THSD7B: variants seen among roughly 807,000 people sequenced by gnomAD.
THSD7B encodes thrombospondin type 1 domain containing 7B.
A neutral mutation model predicts 213.6 loss-of-function variants in THSD7B; 138 were observed. That is an observed-to-expected ratio of 0.65 (90% CI 0.56 to 0.74). The LOEUF (loss-of-function observed/expected upper bound fraction) is 0.74, where lower values mean the gene tolerates loss of function less well. Among genes scored for constraint, THSD7B ranks in the 30% least tolerant of loss-of-function variants. THSD7B has a pLI of 0.00. For synonymous variants in THSD7B, 742 were observed against 687.0 expected (o/e 1.08, Z -1.25); for missense variants, 1,931 against 1,991.5 (o/e 0.97, Z 0.58).
At chr2:137,134,574 G>T (rs931770012) in intron 5 of THSD7B, among the ~76,000 whole-genome samples, 7 of 152,244 alleles carry the variant, frequency 4.6e-5, no homozygotes, top group Admixed American at 1.3e-4. Context: ...CCCACTCCCA[G>T]GGTCTGGCCT....
At chr2:137,217,954 C>A (rs1167396731) in intron 7 of THSD7B, among the ~76,000 whole-genome samples, 1 of 152,094 alleles carries the variant, frequency 6.6e-6, no homozygotes, top group Non-Finnish European at 1.5e-5. Context: ...TACAAATAAC[C>A]TAATAAGTGC....
chr2:137,405,208 A>G (rs1351033775), intron 12 of THSD7B, among the ~76,000 whole-genome samples: 1 of 151,704 alleles, frequency 6.6e-6, no homozygotes, highest in Admixed American at 6.6e-5. Context: ...CAAAAAAAAA[A>G]AAAAAATGAC....
chr2:137,264,221 G>A (rs984581920), intron 10 of THSD7B, among the ~76,000 whole-genome samples: 3 of 150,616 alleles, frequency 2.0e-5, no homozygotes, highest in Admixed American at 6.6e-5. Flanking sequence ...CATCTTTGCT[G>A]TCTATAGTAT....
chr2:136,899,269 G>T (rs973386979), intron 2 of THSD7B, among the ~76,000 whole-genome samples: 2 of 152,028 alleles, frequency 1.3e-5, no homozygotes, highest in African/African-American at 4.8e-5. Context: ...AACCCCTGGG[G>T]GTTAAATATC....
At chr2:137,239,918 C>G (rs2105062927) in intron 9 of THSD7B, among the ~76,000 whole-genome samples, 1 of 152,270 alleles carries the variant, frequency 6.6e-6, no homozygotes, top group South Asian at 2.1e-4. Flanking sequence ...CAGATGGCCA[C>G]CTTCTTGTAT....
intron 2 of THSD7B, among the ~76,000 whole-genome samples, chr2:137,027,503 A>G (rs1039303104): frequency 3.3e-4 from 51 of 152,246 alleles, no homozygotes; most frequent in African/African-American, 1.2e-3. Flanking sequence ...AAGTTGTCAC[A>G]TAGCCATATC....
chr2:137,409,715 G>C (rs1341499638), intron 13 of THSD7B, among the ~76,000 whole-genome samples: 2 of 152,174 alleles, frequency 1.3e-5, no homozygotes, highest in African/African-American at 2.4e-5. Flanking sequence ...AGTTCACCAA[G>C]TAAAAATAAA....
intron 12 of THSD7B, among the ~76,000 whole-genome samples, chr2:137,303,235 T>C (rs1683648587): frequency 6.6e-6 from 1 of 152,156 alleles, no homozygotes; most frequent in Non-Finnish European, 1.5e-5. Flanking sequence ...GTTGCCAGGC[T>C]GATGTCAAAT....
chr2:137,095,490 T>C (rs1218220552), intron 4 of THSD7B, among the ~76,000 whole-genome samples: 2 of 152,212 alleles, frequency 1.3e-5, no homozygotes, highest in Non-Finnish European at 2.9e-5. Flanking sequence ...AGGCCATTCA[T>C]GGCATCTCCA....
chr2:137,079,404 G>T (rs1687697079), intron 3 of THSD7B, among the ~76,000 whole-genome samples: 1 of 151,998 alleles, frequency 6.6e-6, no homozygotes, highest in African/African-American at 2.4e-5. Flanking sequence ...GCTGTTATAT[G>T]GTGCATAGAT....
At chr2:137,062,107 T>C (rs1687287267) in intron 3 of THSD7B, among the ~76,000 whole-genome samples, 1 of 151,792 alleles carries the variant, frequency 6.6e-6, no homozygotes, top group South Asian at 2.1e-4. Context: ...TCATTTCATC[T>C]AGATTATCAA....
At chr2:137,339,029 A>G (rs996540757) in intron 12 of THSD7B, among the ~76,000 whole-genome samples, 3 of 152,074 alleles carry the variant, frequency 2.0e-5, no homozygotes, top group African/African-American at 7.2e-5. Flanking sequence ...GAAATCTGTA[A>G]TCTCTTTTTT....
chr2:137,397,261 G>T (rs1020987581), intron 12 of THSD7B, among the ~76,000 whole-genome samples: 2 of 152,012 alleles, frequency 1.3e-5, no homozygotes, highest in African/African-American at 2.4e-5. Context: ...TCCTAGTCTC[G>T]ATGTTCTTTA....
intron 2 of THSD7B, among the ~76,000 whole-genome samples, chr2:137,046,089 A>G (rs993780294): frequency 6.6e-6 from 1 of 151,930 alleles, no homozygotes. Context: ...ACCTAACTAC[A>G]CTTGGACATG....
At chr2:136,767,425 C>T (rs1573629145) in intron 1 of THSD7B, among the ~76,000 whole-genome samples, 1 of 130,158 alleles carries the variant, frequency 7.7e-6, no homozygotes, top group Middle Eastern at 4.3e-3. Context: ...TGGTAGATTC[C>T]CTGGAATTGT....
chr2:137,492,441 C>A (rs1242363663), intron 15 of THSD7B, among the ~76,000 whole-genome samples: 2 of 152,260 alleles, frequency 1.3e-5, no homozygotes, highest in South Asian at 2.1e-4. Flanking sequence ...GAGAAGAAAT[C>A]ATCTCAATTG....
rs575267983 is a variant in THSD7B, at chr2:137,494,843, C to T, written c.3138+43820C>T. Among the ~76,000 whole-genome samples, 11 of 152,280 alleles carry T rather than the reference C, an allele frequency of 7.2e-5. 1 individual carries two copies. The South Asian group carries it at 2.3e-3, about 32-fold the overall frequency. On this transcript the variant is annotated intron_variant, in intron 15 of 27. Transcript: ENST00000409968. ...GCAAACATCTTTTCTTTCCCACAAA[C>T]AGTATACTTTCATTCTCATTCTGCC...
intron 10 of THSD7B, among the ~76,000 whole-genome samples, chr2:137,261,161 C>G (rs1284606685): frequency 2.6e-5 from 4 of 151,928 alleles, no homozygotes; most frequent in Non-Finnish European, 5.9e-5. Flanking sequence ...GCTCACTGTT[C>G]AAAGACAGAG....
At chr2:136,836,067 C>T (rs1682837929) in intron 1 of THSD7B, among the ~76,000 whole-genome samples, 1 of 152,128 alleles carries the variant, frequency 6.6e-6, no homozygotes, top group Admixed American at 6.5e-5. Flanking sequence ...CAGCTGTTGT[C>T]TGTTTTCAAA....
Sources: gnomAD v4.1 joint callset for allele counts (sites outside exome capture counted in the v4.1 genomes callset) on GRCh38, gnomAD v4.1.1 for gene constraint, MANE v1.5 for transcripts, NCBI Gene and HGNC (gene_info 2026-07-23, HGNC 2026-07-21) for gene names.